The following RBM47 variants were observed in gnomAD, a reference collection of about 807,000 sequenced individuals.
RBM47 encodes RNA-binding protein 47.
Under a neutral mutation model 47.1 loss-of-function variants are expected in RBM47, and 21 were observed. The ratio of observed to expected loss-of-function variants is 0.45; its 90% CI spans 0.32 to 0.64. The LOEUF (loss-of-function observed/expected upper bound fraction) is 0.64, where lower values mean the gene tolerates loss of function less well. RBM47 is among the 30% of genes least tolerant of loss of function. The probability of loss-of-function intolerance (pLI) is 0.05; values close to 1 mark genes in which losing one functional copy is unlikely to be tolerated. For missense variants in RBM47, 708 were observed against 870.9 expected, an observed-to-expected ratio of 0.81 and a Z score of 2.35; for synonymous variants, 375 against 361.7, an observed-to-expected ratio of 1.04 and a Z score of -0.42.
At chr4:40,502,066 T>A (rs372435266) in intron 2 of RBM47, 69 of 154,430 alleles carry the variant, frequency 4.5e-4, no homozygotes, top group African/African-American at 1.6e-3. Context: ...AAGGTTTCCA[T>A]CCATGTAGAC....
At chr4:40,479,650 A>C (rs751863035) in intron 2 of RBM47, among the ~76,000 whole-genome samples, 12 of 151,796 alleles carry the variant, frequency 7.9e-5, no homozygotes, top group Non-Finnish European at 1.5e-4. Flanking sequence ...GTACCTTCTC[A>C]ATTGGCATCC....
intron 1 of RBM47, among the ~76,000 whole-genome samples, chr4:40,569,491 T>G (rs6447203): frequency 0.56 from 84,054 of 148,912 alleles, 27,264 homozygotes; most frequent in African/African-American, 0.88. Flanking sequence ...TTCACTGCAA[T>G]CTCCGCCTCC....
chr4:40,591,550 T>C (rs1734134216), intron 1 of RBM47, among the ~76,000 whole-genome samples: 1 of 151,866 alleles, frequency 6.6e-6, no homozygotes, highest in Non-Finnish European at 1.5e-5. Context: ...CAAAATTAGC[T>C]GGGCGTGGTG....
rs1711541332 is a variant in RBM47, at chr4:40,432,731, T to C, written c.1462A>G (p.Ser488Gly). ...GCCGCGGCTGCGGCGGCAGCAGCACTGGCTGGGTCTGGCTGCACAGCAATG... is the reference window on the plus strand; with the variant it reads ...GCCGCGGCTGCGGCGGCAGCAGCACCGGCTGGGTCTGGCTGCACAGCAATG... ...SPIAVQPDPA[S>G]AAAAAAAAAA... is the part of the protein sequence containing the mutation. The change falls in exon 6 of 7, where the codon AGT (serine) becomes GGT (glycine). Residue 488 changes from serine (S) to glycine (G), a missense_variant. By Grantham distance (56) the Ser-to-Gly change is moderately conservative. Coordinates refer to ENST00000295971, the MANE Select transcript of RBM47 (RefSeq NM_001098634.2). 5 of 1,612,140 alleles carry C rather than the reference T, an allele frequency of 3.1e-6. No homozygotes were observed. Among genetic ancestry groups the C allele is most frequent in the Non-Finnish European group, 4.2e-6 (5 of 1,179,562 alleles).
At chr4:40,496,970 G>A (rs908477870) in intron 2 of RBM47, among the ~76,000 whole-genome samples, 2 of 151,284 alleles carry the variant, frequency 1.3e-5, no homozygotes, top group Non-Finnish European at 2.9e-5. Flanking sequence ...GAACCTGGGA[G>A]GCGGAGGTTG....
Position 40,425,108 on chromosome 4 carries a change from TGG to T in RBM47, c.*794_*795del, listed in dbSNP as rs1714843642. 1 of 152,402 alleles carries T rather than the reference TGG, an allele frequency of 6.6e-6. No individual in the cohort carries two copies. Among genetic ancestry groups the T allele is most frequent in the Non-Finnish European group, 1.5e-5 (1 of 68,044 alleles). The allele number at this position is 152,402 out of a possible 1,614,324, so 9.4% of individuals were successfully genotyped here. ...GGCTTGCCAAACATTGCGGTGGGAT[TGG>T]GAATCTGGGGAGGAGGGGACAGGGT... On this transcript the variant is annotated 3_prime_UTR_variant, in exon 7 of 7. Coordinates refer to ENST00000295971, the MANE Select transcript of RBM47 (RefSeq NM_001098634.2).
intron 2 of RBM47, among the ~76,000 whole-genome samples, chr4:40,498,305 C>T (rs758849821): frequency 1.4e-4 from 22 of 151,962 alleles, no homozygotes; most frequent in Non-Finnish European, 2.6e-4. Context: ...TTTAAATTCC[C>T]TTTCCTGAAG....
chr4:40,505,969 T>C (rs139964418), intron 2 of RBM47, among the ~76,000 whole-genome samples: 1 of 152,284 alleles, frequency 6.6e-6, no homozygotes, highest in Non-Finnish European at 1.5e-5. Context: ...GCCCTTATCA[T>C]ATGACAAGTC....
intron 2 of RBM47, among the ~76,000 whole-genome samples, chr4:40,522,061 T>C (rs747997420): frequency 2.5e-4 from 38 of 152,306 alleles, no homozygotes; most frequent in Non-Finnish European, 3.8e-4. Context: ...AGTGAACCAA[T>C]ATTTTCCAAA....
At chr4:40,441,771 A>T (rs1713689037) in intron 3 of RBM47, among the ~76,000 whole-genome samples, 1 of 152,224 alleles carries the variant, frequency 6.6e-6, no homozygotes, top group Non-Finnish European at 1.5e-5. Context: ...TTCCAACCCC[A>T]ATAATATAAG....
intron 1 of RBM47, among the ~76,000 whole-genome samples, chr4:40,617,036 C>A (rs1279048281): frequency 6.6e-6 from 1 of 151,670 alleles, no homozygotes; most frequent in Non-Finnish European, 1.5e-5. Flanking sequence ...CCACTGCGGC[C>A]AGCTAATTTT....
At chr4:40,514,074 G>A (rs999118670) in intron 2 of RBM47, among the ~76,000 whole-genome samples, 1 of 152,022 alleles carries the variant, frequency 6.6e-6, no homozygotes, top group Non-Finnish European at 1.5e-5. Context: ...ATTGGGGGTG[G>A]GGTGGGGGGA....
rs2154205621 is a variant in RBM47, at chr4:40,423,355, CT to C, written c.*2548del. The C allele has an allele frequency of 6.6e-6, 1 of 152,086 alleles. No individual in the cohort carries two copies. The highest frequency in any genetic ancestry group is 2.4e-5 in the African/African-American group (1 of 41,484). The allele number at this position is 152,086 out of a possible 1,614,324, so 9.4% of individuals were successfully genotyped here. A position where few individuals can be genotyped will look rare whatever the true frequency, so the allele number is the denominator to read the frequency against. On this transcript the variant is annotated 3_prime_UTR_variant, in exon 7 of 7. Coordinates refer to ENST00000295971, the MANE Select transcript of RBM47 (RefSeq NM_001098634.2). ...AAATGGAGCAAGATCTAAATAAAAGCTTTTCAAATATAAAGCAGCTAAAGTT... is the reference window on the plus strand; with the variant it reads ...AAATGGAGCAAGATCTAAATAAAAGCTTTCAAATATAAAGCAGCTAAAGTT...
intron 1 of RBM47, among the ~76,000 whole-genome samples, chr4:40,547,408 G>C (rs1032256982): frequency 6.6e-6 from 1 of 152,236 alleles, no homozygotes; most frequent in African/African-American, 2.4e-5. Context: ...GGATGACTGT[G>C]TGAGGGCACA....
intron 3 of RBM47, among the ~76,000 whole-genome samples, chr4:40,454,844 C>A (rs1173745725): frequency 6.6e-6 from 1 of 152,154 alleles, no homozygotes; most frequent in Non-Finnish European, 1.5e-5. Flanking sequence ...AATAACTTGA[C>A]CCAACTTACA....
intron 1 of RBM47, among the ~76,000 whole-genome samples, chr4:40,555,111 A>G (rs1016630086): frequency 6.6e-6 from 1 of 151,788 alleles, no homozygotes; most frequent in Non-Finnish European, 1.5e-5. Context: ...AATTTTTTGT[A>G]TTTTTACTAG....
At chr4:40,434,804 G>T (rs1329718431) in intron 5 of RBM47, among the ~76,000 whole-genome samples, 1 of 151,264 alleles carries the variant, frequency 6.6e-6, no homozygotes, top group Non-Finnish European at 1.5e-5. Flanking sequence ...GTGTACCTAT[G>T]TCCCAAATGC....
rs1245002683 is a variant in RBM47 at position 40,629,802 on chromosome 4, C to G, written c.-646G>C. ...CGGGAGCGCGCGGCGGTTCCACCCG[C>G]AGAGCGGCGCCGCGTCCCGGCTGCG... On this transcript the variant is annotated 5_prime_UTR_variant, in exon 1 of 7. Transcript: ENST00000295971. 1 of 152,246 alleles carries G rather than the reference C, an allele frequency of 6.6e-6. No individual in the cohort carries two copies. Among genetic ancestry groups the G allele is most frequent in the Non-Finnish European group, 1.5e-5 (1 of 68,048 alleles). 9.4% of individuals were successfully genotyped at this position (152,246 alleles called of 1,614,324 possible).
chr4:40,464,837 G>C (rs903067316), intron 3 of RBM47, among the ~76,000 whole-genome samples: 4 of 134,822 alleles, frequency 3.0e-5, no homozygotes, highest in African/African-American at 1.1e-4. Flanking sequence ...CTTGCAGTGA[G>C]CCGAGATCGC....
Sources: gnomAD v4.1 joint callset for allele counts (sites outside exome capture counted in the v4.1 genomes callset) on GRCh38, gnomAD v4.1.1 for gene constraint, MANE v1.5 for transcripts, NCBI Gene and HGNC (gene_info 2026-07-23, HGNC 2026-07-21) for gene names.